ZRSR2: variants seen among roughly 807,000 people sequenced by gnomAD.
The protein encoded by ZRSR2 is U2 small nuclear ribonucleoprotein auxiliary factor 35 kDa subunit-related protein 2.
ZRSR2 carries 3 observed loss-of-function variants against 39.4 expected under a neutral mutation model. The observed-to-expected ratio is 0.08, with a 90% CI of 0.03 to 0.20. ZRSR2 has a LOEUF of 0.20. ZRSR2 is among the 10% of genes least tolerant of loss of function. The probability of loss-of-function intolerance (pLI) is 1.00; values close to 1 mark genes in which losing one functional copy is unlikely to be tolerated. For missense variants in ZRSR2, 256 were observed against 391.5 expected (o/e 0.65, Z 2.92); for synonymous variants, 137 against 136.0 (o/e 1.01, Z -0.05).
chrX:15,812,523 G>A lies in ZRSR2; in HGVS notation c.558-3154G>A, dbSNP rs1932903123. On this transcript the variant is annotated intron_variant, in intron 7 of 10. Transcript: ENST00000307771. ...CATAACCTCAGCATTTCTTTGGCTGGTTGTTTTTGTAATTAGTACAGAGTT... is the reference window on the plus strand; with the variant it reads ...CATAACCTCAGCATTTCTTTGGCTGATTGTTTTTGTAATTAGTACAGAGTT... Among the ~76,000 whole-genome samples, 3 of 111,860 alleles carry A rather than the reference G, an allele frequency of 2.7e-5. No individual in the cohort carries two copies. In the South Asian group the frequency reaches 1.1e-3, roughly 41 times the overall value.
chrX:15,818,179 G>A (rs976609568), intron 8 of ZRSR2, among the ~76,000 whole-genome samples: 1 of 112,543 alleles, frequency 8.9e-6, no homozygotes, highest in Admixed American at 9.4e-5. Context: ...CTCCTAGCCT[G>A]TGGAGAGTGT....
chrX:15,819,879 TAAG>T (rs1288778721), intron 9 of ZRSR2, among the ~76,000 whole-genome samples: 3 of 111,945 alleles, frequency 2.7e-5, no homozygotes, highest in African/African-American at 6.5e-5. Flanking sequence ...ACCAGTGTAA[TAAG>T]AAGAACAGCA....
chrX:15,817,691 C>T (rs1340260286), intron 8 of ZRSR2, among the ~76,000 whole-genome samples: 1 of 111,364 alleles, frequency 9.0e-6, no homozygotes, highest in African/African-American at 3.3e-5. Flanking sequence ...TACGTGTAAC[C>T]TATAAATTGG....
Position 15,804,096 on chromosome X carries a change from T to C in ZRSR2, c.313-15T>C, listed in dbSNP as rs772189995. ...AAGTGACTGAAACAAAGTTACTTTT[T>C]CTTCCCCTTTAAAGAGAAAGTTAAA... On this transcript the variant is annotated splice_polypyrimidine_tract_variant and intron_variant, in intron 4 of 10. Coordinates refer to ENST00000307771, the MANE Select transcript of ZRSR2 (RefSeq NM_005089.4). 3.4e-5 allele frequency: 40 copies of C among 1,165,537 alleles called. No individual in the cohort carries two copies. Among genetic ancestry groups the C allele is most frequent in the Non-Finnish European group, 4.3e-5 (38 of 878,218 alleles).
chrX:15,815,474 T>G (rs1201104843), intron 7 of ZRSR2, among the ~76,000 whole-genome samples: 1 of 111,548 alleles, frequency 9.0e-6, no homozygotes, highest in Non-Finnish European at 1.9e-5. Flanking sequence ...CCCGGCTAAT[T>G]TTTTGTATTT....
chrX:15,792,855 ATTC>A (rs1191534106), intron 2 of ZRSR2, among the ~76,000 whole-genome samples: 2 of 112,644 alleles, frequency 1.8e-5, no homozygotes, highest in African/African-American at 6.4e-5. Flanking sequence ...ATCCTAGACA[ATTC>A]TTAAAATCCA....
chrX:15,822,949 G>C lies in ZRSR2; in HGVS notation c.1156G>C (p.Asp386His), dbSNP rs777262442. ...GCGGGGAAGGAGAAACCCTAGTCCA[G>C]ACCACTCCTACAAAAGAAATGGGGA... ...RLRGRRNPSP[D>H]HSYKRNGESE... Residue 386 changes from aspartate (D) to histidine (H), a missense_variant, in exon 11 of 11, where the codon GAC (aspartate) becomes CAC (histidine). Asp to His is a moderately conservative substitution (Grantham distance 81). Coordinates refer to ENST00000307771, the MANE Select transcript of ZRSR2 (RefSeq NM_005089.4). 8.2e-6 allele frequency: 10 copies of C among 1,212,395 alleles called. 1 individual carries two copies. In the South Asian group the frequency reaches 1.8e-4, roughly 21 times the overall value.
intron 7 of ZRSR2, among the ~76,000 whole-genome samples, chrX:15,812,245 A>G (rs776162966): frequency 8.9e-6 from 1 of 112,472 alleles, no homozygotes; most frequent in African/African-American, 3.2e-5. Flanking sequence ...ATTTCTTACA[A>G]TTTTCATAGG....
chrX:15,795,377 G>T (rs1932419743), intron 2 of ZRSR2, among the ~76,000 whole-genome samples: 1 of 111,038 alleles, frequency 9.0e-6, no homozygotes, highest in East Asian at 2.8e-4. Flanking sequence ...CGACCCCCTG[G>T]TCTAGAGGCT....
At chrX:15,805,435 T>A (rs1932770187) in intron 5 of ZRSR2, among the ~76,000 whole-genome samples, 1 of 111,480 alleles carries the variant, frequency 9.0e-6, no homozygotes, top group African/African-American at 3.3e-5. Flanking sequence ...CAAGGAGAAA[T>A]GAGGGAAATG....
At chrX:15,814,301 T>G (rs189347318) in intron 7 of ZRSR2, among the ~76,000 whole-genome samples, 164 of 111,450 alleles carry the variant, frequency 1.5e-3, no homozygotes, top group African/African-American at 5.2e-3. Context: ...AAAATAAAAT[T>G]GTTCTTCATA....
intron 7 of ZRSR2, among the ~76,000 whole-genome samples, chrX:15,811,016 G>A (rs1458263932): frequency 9.1e-6 from 1 of 109,829 alleles, no homozygotes; most frequent in Non-Finnish European, 1.9e-5. Flanking sequence ...CTAATGTCAA[G>A]TGTGTATGTC....
chrX:15,814,606 T>C (rs1423741521), intron 7 of ZRSR2, among the ~76,000 whole-genome samples: 2 of 111,993 alleles, frequency 1.8e-5, no homozygotes. Context: ...CTCCAGCCTA[T>C]GTAACAGAAC....
chrX:15,794,239 C>T (rs978749613), intron 2 of ZRSR2, among the ~76,000 whole-genome samples: 8 of 111,045 alleles, frequency 7.2e-5, no homozygotes, highest in African/African-American at 2.6e-4. Flanking sequence ...AAATATTTCT[C>T]ATTTTTGGAT....
At chrX:15,795,981 C>T (rs115881391) in intron 2 of ZRSR2, among the ~76,000 whole-genome samples, 3,591 of 110,769 alleles carry the variant, frequency 0.032, 137 homozygotes, top group African/African-American at 0.11. Flanking sequence ...AGTAGCTGGG[C>T]GTCCTATTCA....
rs771018157 is a variant in ZRSR2, at chrX:15,801,483, G to A, written c.203+1530G>A. On this transcript the variant is annotated intron_variant, in intron 3 of 10. Transcript: ENST00000307771. ...CTTGACCTCATGATCTGCCCGCCTC[G>A]GCCTCACAAAGTGCTGAGATTACAG... 2.1e-4 allele frequency: 47 copies of A among 224,942 alleles called. 1 individual carries two copies. The South Asian group carries it at 2.1e-3, about 10-fold the overall frequency. The allele number at this position is 224,942 out of a possible 1,213,427, so 18.5% of individuals were successfully genotyped here.
intron 8 of ZRSR2, among the ~76,000 whole-genome samples, chrX:15,818,240 G>C (rs1225022951): frequency 8.9e-6 from 1 of 112,725 alleles, no homozygotes; most frequent in East Asian, 2.8e-4. Flanking sequence ...GGCTTCAACT[G>C]AGTCTTTAAT....
chrX:15,794,736 C>T (rs1281744382), intron 2 of ZRSR2, among the ~76,000 whole-genome samples: 2 of 111,788 alleles, frequency 1.8e-5, no homozygotes, highest in African/African-American at 6.5e-5. Context: ...TGCAGAAATA[C>T]ATTATAATTT....
chrX:15,790,755 G>A, intron 1 of ZRSR2, 179 bp from the exon 2 acceptor site: 3 of 607,931 alleles, frequency 4.9e-6, no homozygotes, highest in South Asian at 2.8e-5. Context: ...GAGAAGAACT[G>A]TCTGGGAGTG....
Sources: allele counts gnomAD v4.1 joint callset (sites outside exome capture counted in the v4.1 genomes callset), GRCh38; gene constraint gnomAD v4.1.1; transcripts MANE v1.5; gene names NCBI Gene and HGNC (gene_info 2026-07-23, HGNC 2026-07-21).